GSE1: variants seen among roughly 807,000 people sequenced by gnomAD.
GSE1 encodes genetic suppressor element 1.
Under a neutral mutation model 112.6 loss-of-function variants are expected in GSE1, and 32 were observed. The observed-to-expected ratio is 0.28, with a 90% CI of 0.21 to 0.38. The LOEUF (loss-of-function observed/expected upper bound fraction) is 0.38. Among genes scored for constraint, GSE1 ranks in the 10% least tolerant of loss-of-function variants. The pLI, the probability that GSE1 is intolerant of heterozygous loss-of-function variation, is 1.00. For synonymous variants in GSE1, 1,115 were observed against 735.6 expected, an observed-to-expected ratio of 1.52 and a Z score of -8.35; for missense variants, 2,348 against 1,699.2, an observed-to-expected ratio of 1.38 and a Z score of -6.71.
chr16:85,452,272 G>A (rs1404975229), intron 2 of GSE1, among the ~76,000 whole-genome samples: 1 of 152,196 alleles, frequency 6.6e-6, no homozygotes, highest in Admixed American at 6.5e-5. Flanking sequence ...CCCTGCCAGC[G>A]CGGTTATTTA....
intron 1 of GSE1, among the ~76,000 whole-genome samples, chr16:85,283,748 T>C (rs918869697): frequency 6.6e-6 from 1 of 152,194 alleles, no homozygotes; most frequent in Non-Finnish European, 1.5e-5. Flanking sequence ...GCTTCATAAG[T>C]GTATTAGCTC....
In GSE1 at chr16:85,454,180, T is replaced by C. The variant is rs563761533; in HGVS notation, c.2464+96537T>C. ...CAACATTTATTAAGGACTGGCAGCG[T>C]GCAGGGCCCTGTGTGGAGCCTTTCC... is the stretch of plus-strand genomic sequence containing the variant. On this transcript the variant is annotated intron_variant, in intron 2 of 2. Transcript: ENST00000637419. 1.2e-4 allele frequency among the ~76,000 whole-genome samples: 18 copies of C among 152,350 alleles called. No individual in the cohort carries two copies. The East Asian group carries it at 3.3e-3, about 28-fold the overall frequency.
intron 1 of GSE1, among the ~76,000 whole-genome samples, chr16:85,222,236 C>G (rs181129488): frequency 1.8e-4 from 27 of 152,332 alleles, no homozygotes; most frequent in Non-Finnish European, 4.0e-4. Context: ...CTGCCCTGAG[C>G]GGGGCCCACC....
chr16:85,391,094 C>T (rs369022209), intron 2 of GSE1, among the ~76,000 whole-genome samples: 1 of 152,186 alleles, frequency 6.6e-6, no homozygotes, highest in Non-Finnish European at 1.5e-5. Flanking sequence ...ACCGCCCCCC[C>T]ACCGCCCCAG....
intron 12 of GSE1, among the ~76,000 whole-genome samples, 179 bp downstream of exon 12, chr16:85,665,307 G>A (rs775934016): frequency 5.9e-5 from 9 of 151,872 alleles, no homozygotes; most frequent in South Asian, 2.1e-4. Context: ...GGGACGGAAC[G>A]TCAGTTTGAA....
At chr16:85,660,512 G>T (rs1340187711) in intron 8 of GSE1, among the ~76,000 whole-genome samples, 1 of 152,118 alleles carries the variant, frequency 6.6e-6, no homozygotes, top group Admixed American at 6.5e-5. Flanking sequence ...GGTGGCACAC[G>T]CCTGTAATCC....
At chr16:85,536,570 A>G (rs2044335280) in intron 2 of GSE1, among the ~76,000 whole-genome samples, 1 of 152,152 alleles carries the variant, frequency 6.6e-6, no homozygotes, top group African/African-American at 2.4e-5. Context: ...GCTGTGTTTC[A>G]CACGGTCGGG....
At chr16:85,566,457 C>T (rs139479583) in intron 1 of GSE1, among the ~76,000 whole-genome samples, 25 of 152,344 alleles carry the variant, frequency 1.6e-4, no homozygotes, top group African/African-American at 6.0e-4. Context: ...TAAGGAAAGC[C>T]GAACTGGGTG....
At chr16:85,328,902 C>A (rs1317329472) in intron 1 of GSE1, among the ~76,000 whole-genome samples, 1 of 152,192 alleles carries the variant, frequency 6.6e-6, no homozygotes, top group Non-Finnish European at 1.5e-5. Context: ...CCACCCCTGC[C>A]CCCGCAGCCT....
chr16:85,476,712 G>A (rs1459686170), intron 2 of GSE1, among the ~76,000 whole-genome samples: 1 of 151,526 alleles, frequency 6.6e-6, no homozygotes, highest in African/African-American at 2.4e-5. Flanking sequence ...CAGCTCAGTC[G>A]ATCTTCCCAC....
At chr16:85,255,118 C>G (rs551837099) in intron 1 of GSE1, among the ~76,000 whole-genome samples, 2 of 152,204 alleles carry the variant, frequency 1.3e-5, no homozygotes, top group Non-Finnish European at 2.9e-5. Flanking sequence ...TGCCAGCTTC[C>G]GGCTCCCCGA....
chr16:85,664,310 C>T (rs139906798), intron 11 of GSE1, among the ~76,000 whole-genome samples: 2 of 152,206 alleles, frequency 1.3e-5, no homozygotes, highest in African/African-American at 4.8e-5. Context: ...GGGAGAAAGT[C>T]GAAGGAAAGC....
intron 7 of GSE1, 90 bp downstream of exon 7, chr16:85,656,755 T>C: frequency 7.0e-7 from 1 of 1,427,398 alleles, no homozygotes; most frequent in Non-Finnish European, 9.2e-7. Context: ...GTTGCCGTGG[T>C]GTAAATGTTC....
chr16:85,299,100 G>A (rs940349723), intron 1 of GSE1, among the ~76,000 whole-genome samples: 1 of 152,234 alleles, frequency 6.6e-6, no homozygotes, highest in Non-Finnish European at 1.5e-5. Context: ...AATATGTGCA[G>A]TGAACATGCA....
intron 8 of GSE1, among the ~76,000 whole-genome samples, chr16:85,659,007 G>A (rs1231681230): frequency 6.6e-6 from 1 of 152,244 alleles, no homozygotes; most frequent in Non-Finnish European, 1.5e-5. Context: ...GCCTGACAGG[G>A]CCCTCATGCT....
In GSE1 at chr16:85,431,518, A is replaced by G. The variant is rs531222829; in HGVS notation, c.2464+73875A>G. Among the ~76,000 whole-genome samples the G allele has an allele frequency of 7.6e-4, 115 of 152,292 alleles. 1 individual carries two copies. Among genetic ancestry groups the G allele is most frequent in the African/African-American group, 2.6e-3 (110 of 41,562 alleles). ...ACTTGCAGAGCGCGTCTCTGATCCA[A>G]CGCCTGCTGTCCCCAGATCTGATCC... On this transcript the variant is annotated intron_variant, in intron 2 of 2. Transcript: ENST00000637419.
chr16:85,192,103 A>T (rs911726233), intron 1 of GSE1, among the ~76,000 whole-genome samples: 10 of 152,220 alleles, frequency 6.6e-5, no homozygotes, highest in Non-Finnish European at 1.3e-4. Flanking sequence ...TTGCTCATGC[A>T]CATTCTGGTG....
At chr16:85,393,449 G>A (rs746048830) in intron 2 of GSE1, among the ~76,000 whole-genome samples, 10 of 151,802 alleles carry the variant, frequency 6.6e-5, no homozygotes, top group Non-Finnish European at 1.0e-4. Flanking sequence ...GTCTGATGTC[G>A]TTACAGCTCC....
At position 85,419,411 on chromosome 16, in the gene GSE1, G is replaced by C. The variant is rs984950665; in HGVS notation, c.2464+61768G>C. On this transcript the variant is annotated intron_variant, in intron 2 of 2. Coordinates refer to the GSE1 transcript ENST00000637419. This position sits in a 1 kb window ranked among gnomAD's most constrained non-coding sequence, Gnocchi z 6.5. ...GAGGACTGCTTGAGCCCAGGAGTTT[G>C]AGACCAGCCTGAGCAACATAGTGAG... 2.0e-5 allele frequency among the ~76,000 whole-genome samples: 3 copies of C among 152,038 alleles called. No individual in the cohort carries two copies. Among genetic ancestry groups the C allele is most frequent in the Non-Finnish European group, 4.4e-5 (3 of 68,002 alleles).
Sources: allele counts gnomAD v4.1 joint callset (sites outside exome capture counted in the v4.1 genomes callset), GRCh38; gene constraint gnomAD v4.1.1; non-coding constraint Gnocchi (gnomAD v3.1); transcripts MANE v1.5; gene names NCBI Gene and HGNC (gene_info 2026-07-23, HGNC 2026-07-21).